The following ADAMTS19 variants were observed in gnomAD, a reference collection of about 807,000 sequenced individuals.
ADAMTS19 encodes A disintegrin and metalloproteinase with thrombospondin motifs 19.
A neutral mutation model predicts 153.3 loss-of-function variants in ADAMTS19; 93 were observed. That is an observed-to-expected ratio of 0.61 (90% confidence interval 0.51 to 0.72). The LOEUF is 0.72. Ranked by LOEUF, ADAMTS19 falls within the 30% of genes least tolerant of loss-of-function variation. The pLI, the probability that ADAMTS19 is intolerant of heterozygous loss-of-function variation, is 0.00. For synonymous variants in ADAMTS19, 600 were observed against 556.6 expected, an observed-to-expected ratio of 1.08 and a Z score of -1.10; for missense variants, 1,482 against 1,552.1, an observed-to-expected ratio of 0.95 and a Z score of 0.76.
chr5:129,498,624 A>G (rs1751000387), intron 2 of ADAMTS19, among the ~76,000 whole-genome samples: 1 of 152,026 alleles, frequency 6.6e-6, no homozygotes, highest in South Asian at 2.1e-4. Context: ...TTTCTCCCAC[A>G]TATCTTCCAG....
intron 5 of ADAMTS19, 30 bp downstream of exon 5, chr5:129,527,861 T>G (rs1752070805): frequency 7.3e-7 from 1 of 1,363,368 alleles, no homozygotes; most frequent in Admixed American, 1.8e-5. Context: ...TTTATTAAAT[T>G]AAATGGGGGA....
chr5:129,580,452 C>T (rs1749458178), intron 7 of ADAMTS19, among the ~76,000 whole-genome samples: 1 of 152,136 alleles, frequency 6.6e-6, no homozygotes. Flanking sequence ...CTGCCCTGGC[C>T]AGAACGTCCA....
chr5:129,552,809 T>G (rs2126825561), intron 7 of ADAMTS19, among the ~76,000 whole-genome samples: 1 of 152,214 alleles, frequency 6.6e-6, no homozygotes, highest in East Asian at 1.9e-4. Context: ...AACCTCCTCA[T>G]ATGTTTAAAA....
intron 16 of ADAMTS19, among the ~76,000 whole-genome samples, chr5:129,670,633 A>G (rs1754260925): frequency 6.6e-6 from 1 of 152,172 alleles, no homozygotes; most frequent in South Asian, 2.1e-4. Context: ...CGTCCATGCA[A>G]CACTTGTGAT....
chr5:129,647,810 C>T lies in ADAMTS19; in HGVS notation c.1918C>T (p.His640Tyr). Reference sequence around the variant, plus strand: ...TACCAGCAGGACCTCAGCACCTGAACATCTGGCCGGAGAGTGGAGCCTGTG... The same window carrying T: ...TACCAGCAGGACCTCAGCACCTGAATATCTGGCCGGAGAGTGGAGCCTGTG... ...ECTSRTSAPEHLAGEWSLWSP... is the reference protein window; with the variant it reads ...ECTSRTSAPEYLAGEWSLWSP... Residue 640 changes from histidine to tyrosine, a missense_variant, in exon 12 of 23, where the codon CAT becomes TAT. Physicochemically the swap from His to Tyr is moderately conservative, Grantham distance 83. Transcript: ENST00000274487. 1 of 1,614,118 alleles carries T rather than the reference C, an allele frequency of 6.2e-7. No homozygotes were observed. Among genetic ancestry groups the T allele is most frequent in the Non-Finnish European group, 8.5e-7 (1 of 1,179,994 alleles).
intron 6 of ADAMTS19, among the ~76,000 whole-genome samples, chr5:129,531,532 C>T (rs562992754): frequency 7.2e-5 from 11 of 152,026 alleles, no homozygotes; most frequent in South Asian, 4.2e-4. Flanking sequence ...GGCTGAGCCA[C>T]GAGAATTGCT....
intron 16 of ADAMTS19, among the ~76,000 whole-genome samples, chr5:129,669,588 T>C (rs957053408): frequency 4.6e-5 from 7 of 152,040 alleles, no homozygotes; most frequent in African/African-American, 1.7e-4. Flanking sequence ...TTTTTCTCTA[T>C]TGTTTTCTAT....
At chr5:129,723,279 A>C (rs2127204075) in intron 21 of ADAMTS19, among the ~76,000 whole-genome samples, 1 of 152,260 alleles carries the variant, frequency 6.6e-6, no homozygotes, top group East Asian at 1.9e-4. Context: ...CCTTTCAGCT[A>C]GTTTATTTAG....
chr5:129,704,878 G>A (rs1227951020), intron 21 of ADAMTS19, among the ~76,000 whole-genome samples: 1 of 151,936 alleles, frequency 6.6e-6, no homozygotes. Context: ...GACATCCTTT[G>A]GTCAAATCAA....
At chr5:129,638,812 T>C (rs1228019632) in intron 10 of ADAMTS19, among the ~76,000 whole-genome samples, 1 of 152,152 alleles carries the variant, frequency 6.6e-6, no homozygotes, top group Non-Finnish European at 1.5e-5. Flanking sequence ...TTAACATAAA[T>C]TTCAGAACAT....
intron 7 of ADAMTS19, among the ~76,000 whole-genome samples, chr5:129,591,368 C>G (rs1342073301): frequency 6.6e-6 from 1 of 151,698 alleles, no homozygotes; most frequent in Non-Finnish European, 1.5e-5. Flanking sequence ...TCTCGGCTCA[C>G]TGCAACCTCT....
intron 16 of ADAMTS19, among the ~76,000 whole-genome samples, chr5:129,668,771 A>G (rs1754167378): frequency 6.6e-6 from 1 of 152,198 alleles, no homozygotes. Flanking sequence ...TAAAATATAT[A>G]TCACATAAAA....
intron 11 of ADAMTS19, among the ~76,000 whole-genome samples, chr5:129,647,218 A>G (rs1209224633): frequency 3.4e-5 from 4 of 116,920 alleles, no homozygotes; most frequent in Non-Finnish European, 5.6e-5. Context: ...CTTTCAGAAA[A>G]AAAAAAAAAA....
intron 7 of ADAMTS19, among the ~76,000 whole-genome samples, chr5:129,562,563 C>T (rs1187016396): frequency 6.6e-6 from 1 of 152,160 alleles, no homozygotes; most frequent in Non-Finnish European, 1.5e-5. Context: ...CTGCATAACC[C>T]TCTTTGAGCA....
chr5:129,650,499 T>C (rs1357869723), intron 13 of ADAMTS19, among the ~76,000 whole-genome samples: 3 of 152,092 alleles, frequency 2.0e-5, no homozygotes, highest in East Asian at 1.9e-4. Flanking sequence ...GGGGGAAATA[T>C]AGCAGCCACC....
At chr5:129,482,726 G>A (rs1580993689) in intron 2 of ADAMTS19, among the ~76,000 whole-genome samples, 1 of 152,100 alleles carries the variant, frequency 6.6e-6, no homozygotes, top group African/African-American at 2.4e-5. Context: ...AATGTCCCAT[G>A]ATATCACTCC....
intron 3 of ADAMTS19, among the ~76,000 whole-genome samples, chr5:129,516,872 T>C (rs1337262187): frequency 6.6e-6 from 1 of 150,796 alleles, no homozygotes; most frequent in African/African-American, 2.4e-5. Flanking sequence ...TCTTGTTAGG[T>C]TTTTTGAGAT....
In ADAMTS19 at chr5:129,694,832, C is replaced by T. The variant is rs1755485517; in HGVS notation, c.2931C>T (p.Cys977=). The change falls in exon 19 of 23, where the codon TGC becomes TGT. Residue 977 remains cysteine (C), a synonymous_variant. Transcript: ENST00000274487. Reference sequence around the variant, plus strand: ...AGCCAGAGCCACAGATTCGAAAGTGCAATGAGCAACCATGTCAAACAAGGT... The same window carrying T: ...AGCCAGAGCCACAGATTCGAAAGTGTAATGAGCAACCATGTCAAACAAGGT... The part of the protein sequence containing the change: ...LTKPEPQIRK[C]NEQPCQTRWM... The T allele has an allele frequency of 1.3e-6, 2 of 1,590,404 alleles. No homozygotes were observed. Among genetic ancestry groups the T allele is most frequent in the Non-Finnish European group, 1.7e-6 (2 of 1,167,570 alleles).
chr5:129,571,027 T>G (rs1581097707), intron 7 of ADAMTS19, among the ~76,000 whole-genome samples: 1 of 151,998 alleles, frequency 6.6e-6, no homozygotes, highest in Middle Eastern at 3.4e-3. Context: ...GGCAAGGCTG[T>G]CCACTCCATC....
Sources: allele counts gnomAD v4.1 joint callset (sites outside exome capture counted in the v4.1 genomes callset), GRCh38; gene constraint gnomAD v4.1.1; transcripts MANE v1.5; gene names NCBI Gene and HGNC (gene_info 2026-07-23, HGNC 2026-07-21).